PDE4D: variants seen among roughly 807,000 people sequenced by gnomAD.
The protein encoded by PDE4D is phosphodiesterase 4D, also known as 3',5'-cyclic-AMP phosphodiesterase 4D.
Under a neutral mutation model 87.4 loss-of-function variants are expected in PDE4D, and 24 were observed. That is an observed-to-expected ratio of 0.27 (90% CI 0.20 to 0.39). The LOEUF (loss-of-function observed/expected upper bound fraction) is 0.39, where lower values mean the gene tolerates loss of function less well. PDE4D is among the 10% of genes least tolerant of loss of function. The pLI, the probability that PDE4D is intolerant of heterozygous loss-of-function variation, is 1.00. For missense variants in PDE4D, 714 were observed against 1,041.0 expected (o/e 0.69, Z 4.32); for synonymous variants, 384 against 383.2 (o/e 1.00, Z -0.02).
chr5:60,326,652 T>C (rs1756822425), intron 1 of PDE4D, among the ~76,000 whole-genome samples: 1 of 152,168 alleles, frequency 6.6e-6, no homozygotes, highest in Admixed American at 6.5e-5. Context: ...TATTTGTTAC[T>C]GTGATTCTCT....
At chr5:59,940,644 C>T (rs947797572) in intron 3 of PDE4D, among the ~76,000 whole-genome samples, 3 of 152,104 alleles carry the variant, frequency 2.0e-5, no homozygotes, top group Admixed American at 6.6e-5. Context: ...AGTATTTAAT[C>T]AAAAGTGCCT....
intron 2 of PDE4D, among the ~76,000 whole-genome samples, chr5:60,120,295 TG>T (rs564354846): frequency 6.6e-6 from 1 of 152,182 alleles, no homozygotes; most frequent in Non-Finnish European, 1.5e-5. Context: ...GTAGTGGGTC[TG>T]AGTAACTCCA....
At chr5:59,872,176 T>C (rs906450812) in intron 1 of PDE4D, among the ~76,000 whole-genome samples, 1 of 151,864 alleles carries the variant, frequency 6.6e-6, no homozygotes. Flanking sequence ...TAGGAAATGA[T>C]AGATGAGTTT....
chr5:59,484,586 G>T (rs1163202350), intron 1 of PDE4D, among the ~76,000 whole-genome samples: 1 of 152,138 alleles, frequency 6.6e-6, no homozygotes, highest in African/African-American at 2.4e-5. Context: ...AATGATGTCC[G>T]TTCCCCTTCT....
At chr5:59,380,223 A>G (rs1823068) in intron 1 of PDE4D, among the ~76,000 whole-genome samples, 23,393 of 152,032 alleles carry the variant, frequency 0.15, 1,899 homozygotes, top group East Asian at 0.22. Flanking sequence ...GATTTTATAA[A>G]AGATTGACAC....
At chr5:60,418,488 CTTAT>C (rs1583690704) in intron 1 of PDE4D, among the ~76,000 whole-genome samples, 1 of 150,172 alleles carries the variant, frequency 6.7e-6, no homozygotes, top group African/African-American at 2.4e-5. Flanking sequence ...TGCTGCTTAT[CTTAT>C]TTGTTTTTTT....
intron 2 of PDE4D, among the ~76,000 whole-genome samples, chr5:60,169,208 A>T (rs1345108742): frequency 1.3e-5 from 2 of 152,124 alleles, no homozygotes; most frequent in African/African-American, 4.8e-5. Context: ...AAAAGAGAAA[A>T]ACCATAAGAA....
intron 2 of PDE4D, among the ~76,000 whole-genome samples, chr5:59,199,263 T>G (rs1581325657): frequency 6.6e-6 from 1 of 151,948 alleles, no homozygotes; most frequent in South Asian, 2.1e-4. Context: ...AATCCTTTTT[T>G]TTTTTTTTTC....
chr5:59,675,880 C>G (rs973293434), intron 1 of PDE4D, among the ~76,000 whole-genome samples: 9 of 151,960 alleles, frequency 5.9e-5, no homozygotes, highest in African/African-American at 2.2e-4. Flanking sequence ...TCAGTAGAGA[C>G]AGGGTCTCAC....
intron 1 of PDE4D, chr5:59,217,984 A>T (rs781074616): frequency 2.1e-5 from 10 of 486,438 alleles, no homozygotes; most frequent in Non-Finnish European, 4.1e-5. Flanking sequence ...AGGATGAATG[A>T]CTAACTCAGG....
chr5:59,933,792 T>TAAA lies in PDE4D; in HGVS notation c.272+54695_272+54696insTTT, dbSNP rs1554116686. 7.0e-5 allele frequency among the ~76,000 whole-genome samples: 7 copies of TAAA among 99,428 alleles called. No homozygotes were observed. In the South Asian group the frequency reaches 1.1e-3, roughly 15 times the overall value. The allele number at this position is 99,428 out of a possible 152,430, so 65.2% of individuals were successfully genotyped here. Reference sequence around the variant, plus strand: ...AGGAGATATATATATATATATATATTAATAAGCATTCATATAAAAGATAAT... The same window carrying TAAA: ...AGGAGATATATATATATATATATATTAAAAATAAGCATTCATATAAAAGATAAT... On this transcript the variant is annotated intron_variant, in intron 3 of 16. Coordinates refer to the PDE4D transcript ENST00000502484.
chr5:60,062,327 A>T (rs558406405), intron 2 of PDE4D, among the ~76,000 whole-genome samples: 54 of 152,274 alleles, frequency 3.5e-4, no homozygotes, highest in African/African-American at 1.2e-3. Flanking sequence ...AACATCACTG[A>T]TCATTAAAGA....
chr5:59,703,768 C>G (rs1378636423), intron 1 of PDE4D: 2 of 361,426 alleles, frequency 5.5e-6, no homozygotes, highest in Non-Finnish European at 1.2e-5. Context: ...TGTCTGTCCT[C>G]TTCAATGTGT....
intron 6 of PDE4D, among the ~76,000 whole-genome samples, chr5:59,011,381 G>C (rs1273980059): frequency 1.3e-5 from 2 of 152,148 alleles, no homozygotes; most frequent in East Asian, 1.9e-4. Context: ...CCATCGCAAA[G>C]AAGCTAAAAA....
intron 1 of PDE4D, among the ~76,000 whole-genome samples, chr5:59,244,581 C>T (rs974399134): frequency 6.1e-5 from 9 of 148,062 alleles, no homozygotes; most frequent in Admixed American, 2.0e-4. Context: ...TATGTATACA[C>T]ATATATATAT....
intron 2 of PDE4D, among the ~76,000 whole-genome samples, chr5:60,173,069 T>C (rs924462143): frequency 2.6e-5 from 4 of 152,226 alleles, no homozygotes; most frequent in Non-Finnish European, 5.9e-5. Context: ...GCTATAAATA[T>C]AGATAATTGA....
intron 2 of PDE4D, among the ~76,000 whole-genome samples, chr5:60,060,628 C>T (rs568679532): frequency 2.6e-5 from 4 of 152,188 alleles, no homozygotes; most frequent in South Asian, 2.1e-4. Flanking sequence ...GCAAATAATT[C>T]CTAGGTCTGG....
intron 6 of PDE4D, among the ~76,000 whole-genome samples, chr5:58,993,734 A>G (rs1748481909): frequency 6.6e-6 from 1 of 152,144 alleles, no homozygotes; most frequent in South Asian, 2.1e-4. Flanking sequence ...AATTTTATTT[A>G]ATTTTAACTA....
At chr5:60,515,923 A>G (rs1338253457) in intron 1 of PDE4D, among the ~76,000 whole-genome samples, 5 of 152,230 alleles carry the variant, frequency 3.3e-5, no homozygotes, top group Non-Finnish European at 7.3e-5. Context: ...ATAAATGTAC[A>G]TCTGTATAGA....
Sources: allele counts gnomAD v4.1 joint callset (sites outside exome capture counted in the v4.1 genomes callset), GRCh38; gene constraint gnomAD v4.1.1; transcripts MANE v1.5; gene names NCBI Gene and HGNC (gene_info 2026-07-23, HGNC 2026-07-21).